The following FOXJ3 variants were observed in gnomAD, a reference collection of about 807,000 sequenced individuals.
FOXJ3 encodes forkhead box J3.
In FOXJ3, 22 loss-of-function variants were observed where a neutral mutation model predicts 76.1. The observed-to-expected ratio is 0.29, with a 90% CI of 0.21 to 0.41. The LOEUF is 0.41. Among genes scored for constraint, FOXJ3 ranks in the 10% least tolerant of loss-of-function variants. The probability of loss-of-function intolerance (pLI) is 1.00; values close to 1 mark genes in which losing one functional copy is unlikely to be tolerated. For synonymous variants in FOXJ3, 269 were observed against 261.2 expected (o/e 1.03, Z -0.29); for missense variants, 613 against 762.1 (o/e 0.80, Z 2.30).
At chr1:42,262,208 T>G (rs931174710) in intron 4 of FOXJ3, among the ~76,000 whole-genome samples, 17 of 152,226 alleles carry the variant, frequency 1.1e-4, no homozygotes, top group Non-Finnish European at 2.2e-4. Flanking sequence ...GTGATATAAT[T>G]TAAGAACCTG....
chr1:42,224,772 C>G (rs1489232619), intron 5 of FOXJ3, among the ~76,000 whole-genome samples: 2 of 152,100 alleles, frequency 1.3e-5, no homozygotes, highest in Non-Finnish European at 2.9e-5. Context: ...TTTTTAAAAT[C>G]ACTTCTCTTT....
At chr1:42,235,624 G>A (rs1697584) in intron 4 of FOXJ3, among the ~76,000 whole-genome samples, 105,995 of 151,294 alleles carry the variant, frequency 0.7, 37,850 homozygotes, top group Admixed American at 0.8. Context: ...GTGCAGTGGC[G>A]CAACCTCGGC....
chr1:42,194,784 G>T, intron 8 of FOXJ3, 106 bp downstream of exon 8: 1 of 710,960 alleles, frequency 1.4e-6, no homozygotes, highest in Non-Finnish European at 2.3e-6. Context: ...TTCTTATTGT[G>T]ATGATAATAT....
At chr1:42,214,675 G>C (rs1017846619) in intron 5 of FOXJ3, among the ~76,000 whole-genome samples, 1 of 152,226 alleles carries the variant, frequency 6.6e-6, no homozygotes, top group Non-Finnish European at 1.5e-5. Context: ...TGAATTTCCT[G>C]TTTTGCTGCA....
chr1:42,300,834 C>A (rs901313914), intron 2 of FOXJ3, among the ~76,000 whole-genome samples: 1 of 152,128 alleles, frequency 6.6e-6, no homozygotes, highest in African/African-American at 2.4e-5. Context: ...TAAAAATAGG[C>A]CCCCAATCTC....
chr1:42,313,430 A>G (rs976374241), intron 1 of FOXJ3, among the ~76,000 whole-genome samples: 6 of 152,100 alleles, frequency 3.9e-5, no homozygotes, highest in Non-Finnish European at 7.4e-5. Context: ...AAGCAAATGT[A>G]CGTTCTCTCT....
intron 5 of FOXJ3, among the ~76,000 whole-genome samples, chr1:42,215,246 T>TA (rs893986294): frequency 1.8e-4 from 27 of 151,648 alleles, no homozygotes; most frequent in African/African-American, 4.6e-4. Flanking sequence ...GAAATAAAGT[T>TA]AAAAAAAACT....
chr1:42,285,851 T>C (rs1480502233), intron 2 of FOXJ3, among the ~76,000 whole-genome samples: 2 of 152,224 alleles, frequency 1.3e-5, no homozygotes, highest in Non-Finnish European at 1.5e-5. Flanking sequence ...TTTATTGTTG[T>C]TTTCCTATTC....
intron 4 of FOXJ3, among the ~76,000 whole-genome samples, chr1:42,245,038 G>T (rs1013014668): frequency 2.0e-5 from 3 of 151,984 alleles, no homozygotes; most frequent in Admixed American, 6.6e-5. Context: ...ACATTAGCTG[G>T]GCATGGTGGC....
chr1:42,326,545 G>A (rs1453655105), intron 1 of FOXJ3, among the ~76,000 whole-genome samples: 2 of 152,092 alleles, frequency 1.3e-5, no homozygotes, highest in African/African-American at 2.4e-5. Context: ...GTGGAATCAT[G>A]TTCCAGGGAT....
chr1:42,244,994 A>G (rs1295334816), intron 4 of FOXJ3, among the ~76,000 whole-genome samples: 1 of 152,138 alleles, frequency 6.6e-6, no homozygotes, highest in African/African-American at 2.4e-5. Flanking sequence ...AGCCTGACCA[A>G]TATGGTGAAA....
chr1:42,189,964 AC>A (rs1412606622), intron 9 of FOXJ3, among the ~76,000 whole-genome samples: 3 of 152,200 alleles, frequency 2.0e-5, no homozygotes, highest in Non-Finnish European at 2.9e-5. Flanking sequence ...TTCCAAGGCA[AC>A]CTTAGGAGAA....
chr1:42,280,354 T>C, intron 2 of FOXJ3: 4 of 980,452 alleles, frequency 4.1e-6, no homozygotes, highest in Non-Finnish European at 2.4e-6. Context: ...CCTTACTCAT[T>C]TTCTCAAATT....
chr1:42,206,686 A>C (rs769937093), intron 5 of FOXJ3, among the ~76,000 whole-genome samples: 4 of 152,210 alleles, frequency 2.6e-5, no homozygotes, highest in Non-Finnish European at 5.9e-5. Flanking sequence ...CAAATGAAAA[A>C]TGAGATATCC....
chr1:42,307,266 C>A (rs1654527816), intron 2 of FOXJ3, among the ~76,000 whole-genome samples: 1 of 152,128 alleles, frequency 6.6e-6, no homozygotes, highest in South Asian at 2.1e-4. Flanking sequence ...CAGCATCAGC[C>A]AGCAAGGTCT....
At chr1:42,318,603 C>T (rs1655257581) in intron 1 of FOXJ3, among the ~76,000 whole-genome samples, 1 of 152,124 alleles carries the variant, frequency 6.6e-6, no homozygotes, top group South Asian at 2.1e-4. Flanking sequence ...CCTCGGCCTC[C>T]CAAAGTGCTA....
intron 1 of FOXJ3, among the ~76,000 whole-genome samples, chr1:42,324,197 ACT>A (rs1557726398): frequency 3.0e-5 from 1 of 33,684 alleles, no homozygotes; most frequent in African/African-American, 8.6e-5. Context: ...GAATATATAT[ACT>A]ATATATATAC....
Position 42,221,153 on chromosome 1 carries a change from CAT to C in FOXJ3, c.528+6728_528+6729del, listed in dbSNP as rs753596374. Among the ~76,000 whole-genome samples the C allele has an allele frequency of 4.6e-5, 7 of 152,252 alleles. No individual in the cohort carries two copies. The South Asian group carries it at 6.2e-4, about 14-fold the overall frequency. The stretch of plus-strand genomic sequence containing the variant: ...CAGCATTCAATCTATGGCAAAATCA[CAT>C]GTCATGTAGTCTCTAGAAAAGGTGT... On this transcript the variant is annotated intron_variant, in intron 5 of 12. Transcript: ENST00000361346.
intron 2 of FOXJ3, among the ~76,000 whole-genome samples, chr1:42,286,681 C>T (rs1653075945): frequency 6.6e-6 from 1 of 152,138 alleles, no homozygotes; most frequent in Non-Finnish European, 1.5e-5. Context: ...GTCGCCCAGG[C>T]TGGAGTGCAA....
Sources: gnomAD v4.1 joint callset for allele counts (sites outside exome capture counted in the v4.1 genomes callset) on GRCh38, gnomAD v4.1.1 for gene constraint, MANE v1.5 for transcripts, NCBI Gene and HGNC (gene_info 2026-07-23, HGNC 2026-07-21) for gene names.